The following PHLPP1 variants were observed in gnomAD, a reference collection of about 807,000 sequenced individuals.
PHLPP1 encodes PH domain and leucine rich repeat protein phosphatase 1.
Under a neutral mutation model 117.2 loss-of-function variants are expected in PHLPP1, and 42 were observed. The observed-to-expected ratio is 0.36, with a 90% confidence interval of 0.28 to 0.46. The LOEUF is 0.46. PHLPP1 is among the 20% of genes least tolerant of loss of function. PHLPP1 has a pLI of 1.00. For missense variants in PHLPP1, 2,084 were observed against 2,241.9 expected (o/e 0.93, Z 1.42); for synonymous variants, 1,042 against 970.7 (o/e 1.07, Z -1.37).
intron 1 of PHLPP1, chr18:62,826,351 A>G (rs770832392): frequency 2.4e-5 from 8 of 339,670 alleles, no homozygotes; most frequent in South Asian, 7.1e-5. Flanking sequence ...ATTTATGGTC[A>G]CAAAATATAA....
At chr18:62,940,097 C>G (rs927178084) in intron 10 of PHLPP1, among the ~76,000 whole-genome samples, 3 of 152,036 alleles carry the variant, frequency 2.0e-5, no homozygotes, top group African/African-American at 7.2e-5. Flanking sequence ...TTCCCACCTG[C>G]TGCAGCTGCA....
At chr18:62,872,350 A>G (rs1288789205) in intron 4 of PHLPP1, among the ~76,000 whole-genome samples, 1 of 152,176 alleles carries the variant, frequency 6.6e-6, no homozygotes, top group Non-Finnish European at 1.5e-5. Context: ...TCCTCCTGCT[A>G]CATAGAGGGC....
intron 1 of PHLPP1, among the ~76,000 whole-genome samples, chr18:62,726,062 T>C (rs1010712816): frequency 2.1e-4 from 32 of 152,068 alleles, no homozygotes; most frequent in African/African-American, 7.7e-4. Flanking sequence ...ACTGCTATAG[T>C]TGGCAAACTT....
chr18:62,860,860 AAAC>A (rs1915614740), intron 4 of PHLPP1, among the ~76,000 whole-genome samples: 2 of 152,222 alleles, frequency 1.3e-5, no homozygotes, highest in African/African-American at 4.8e-5. Context: ...AATTCTCCTT[AAAC>A]AACTTTTATT....
At chr18:62,718,614 C>G (rs1365791851) in intron 1 of PHLPP1, among the ~76,000 whole-genome samples, 1 of 152,156 alleles carries the variant, frequency 6.6e-6, no homozygotes, top group Non-Finnish European at 1.5e-5. Context: ...GACAATTTGT[C>G]AACTCGATGA....
At position 62,838,923 on chromosome 18, in the gene PHLPP1, T is replaced by C. The variant is rs763175259; in HGVS notation, c.1899+14T>C. On this transcript the variant is annotated intron_variant, in intron 3 of 16. Coordinates refer to ENST00000262719, the MANE Select transcript of PHLPP1 (RefSeq NM_194449.4). ...CAAGTCTCCAAGGTAAGCAAGCACT[T>C]AATCCAGGAATCCACTCAGCTTCTA... 4 of 1,613,510 alleles carry C rather than the reference T, an allele frequency of 2.5e-6. No individual in the cohort carries two copies. The South Asian group carries it at 4.4e-5, about 18-fold the overall frequency.
At chr18:62,743,952 CT>C (rs1262830026) in intron 1 of PHLPP1, among the ~76,000 whole-genome samples, 1 of 152,064 alleles carries the variant, frequency 6.6e-6, no homozygotes, top group African/African-American at 2.4e-5. Context: ...TTAATGTTTA[CT>C]ACTTTGATGT....
chr18:62,851,076 G>A (rs1253228765), intron 3 of PHLPP1, among the ~76,000 whole-genome samples: 1 of 152,070 alleles, frequency 6.6e-6, no homozygotes, highest in East Asian at 1.9e-4. Flanking sequence ...TCCAGTACCT[G>A]GTATAGTTCC....
chr18:62,873,503 G>A (rs546320334), intron 4 of PHLPP1, among the ~76,000 whole-genome samples: 19 of 152,292 alleles, frequency 1.2e-4, no homozygotes, highest in Admixed American at 1.0e-3. Flanking sequence ...TTTATGGTTG[G>A]TGGTTATCGC....
intron 1 of PHLPP1, among the ~76,000 whole-genome samples, chr18:62,754,075 A>G (rs563653434): frequency 1.3e-5 from 2 of 152,310 alleles, no homozygotes; most frequent in Admixed American, 1.3e-4. Flanking sequence ...TAAACACTTC[A>G]GCTGTTCTTC....
chr18:62,793,715 C>G (rs1232703529), intron 1 of PHLPP1, among the ~76,000 whole-genome samples: 1 of 152,066 alleles, frequency 6.6e-6, no homozygotes, highest in Non-Finnish European at 1.5e-5. Flanking sequence ...TGTAACTTGC[C>G]CAAATTCACA....
chr18:62,832,749 G>T lies in PHLPP1; in HGVS notation c.1773+2518G>T, dbSNP rs532120743. Among the ~76,000 whole-genome samples, 4 of 150,560 alleles carry T rather than the reference G, an allele frequency of 2.7e-5. No individual in the cohort carries two copies. The South Asian group carries it at 6.3e-4, about 24-fold the overall frequency. ...CTTTCATTAATTTTTGTCTGTTGTT[G>T]TTTTTTTTTATCCTGTTCTATTGTT... On this transcript the variant is annotated intron_variant, in intron 2 of 16. Coordinates refer to ENST00000262719, the MANE Select transcript of PHLPP1 (RefSeq NM_194449.4).
intron 1 of PHLPP1, among the ~76,000 whole-genome samples, chr18:62,751,269 G>T (rs1403542131): frequency 1.3e-5 from 2 of 152,316 alleles, no homozygotes; most frequent in East Asian, 3.9e-4. Flanking sequence ...ATGTTTGTGG[G>T]AGGAAGGGGG....
chr18:62,931,518 A>C (rs1909805572), intron 10 of PHLPP1, among the ~76,000 whole-genome samples: 1 of 142,706 alleles, frequency 7.0e-6, no homozygotes, highest in African/African-American at 2.6e-5. Context: ...AATTGAGACC[A>C]AAAAAAAAAA....
At chr18:62,760,400 G>A (rs1303098501) in intron 1 of PHLPP1, among the ~76,000 whole-genome samples, 1 of 152,164 alleles carries the variant, frequency 6.6e-6, no homozygotes, top group Non-Finnish European at 1.5e-5. Context: ...CATCACAGAT[G>A]GGTTCCTATT....
Position 62,715,840 on chromosome 18 carries a change from C to A in PHLPP1, c.157C>A (p.Pro53Thr). 1 of 746,832 alleles carries A rather than the reference C, an allele frequency of 1.3e-6. No homozygotes were observed. Among genetic ancestry groups the A allele is most frequent in the Non-Finnish European group, 1.6e-6 (1 of 612,602 alleles). The allele number at this position is 746,832 out of a possible 1,614,324, so 46.3% of individuals were successfully genotyped here. Residue 53 changes from proline (P) to threonine (T), a missense_variant, in exon 1 of 17, where the codon CCC (proline) becomes ACC (threonine). Physicochemically the swap from Pro to Thr is conservative, Grantham distance 38. Coordinates refer to ENST00000262719, the MANE Select transcript of PHLPP1 (RefSeq NM_194449.4). Reference sequence around the variant, plus strand: ...GGCCGGGGGCGGCCGGAGTCCGGAGCCCGCGCTGACCCCGGCGGCCCCGAG... The same window carrying A: ...GGCCGGGGGCGGCCGGAGTCCGGAGACCGCGCTGACCCCGGCGGCCCCGAG... ...AAAGGGRSPEPALTPAAPSGG... is the reference protein window; with the variant it reads ...AAAGGGRSPETALTPAAPSGG...
intron 7 of PHLPP1, among the ~76,000 whole-genome samples, chr18:62,903,371 C>T (rs1462053131): frequency 8.6e-5 from 13 of 151,908 alleles, no homozygotes; most frequent in Admixed American, 7.2e-4. Context: ...ATTTTTTTCT[C>T]GTATTGTGAT....
intron 3 of PHLPP1, among the ~76,000 whole-genome samples, chr18:62,849,827 A>T (rs1568137177): frequency 5.3e-5 from 5 of 93,764 alleles, no homozygotes; most frequent in African/African-American, 1.7e-4. Flanking sequence ...AAAAAAAAAA[A>T]AAAAAATATA....
intron 4 of PHLPP1, among the ~76,000 whole-genome samples, chr18:62,892,939 G>A (rs1283180026): frequency 1.3e-5 from 2 of 151,652 alleles, no homozygotes; most frequent in African/African-American, 4.8e-5. Context: ...TACCTCCTCT[G>A]GGGTCCCCCA....
Sources: gnomAD v4.1 joint callset for allele counts (sites outside exome capture counted in the v4.1 genomes callset) on GRCh38, gnomAD v4.1.1 for gene constraint, MANE v1.5 for transcripts, NCBI Gene and HGNC (gene_info 2026-07-23, HGNC 2026-07-21) for gene names.